Variants in COG7 observed in about 807,000 individuals in gnomAD.
The protein encoded by COG7 is component of oligomeric golgi complex 7.
In COG7, 49 loss-of-function variants were observed where a neutral mutation model predicts 91.5. The ratio of observed to expected loss-of-function variants is 0.54; its 90% CI spans 0.43 to 0.68. The LOEUF is 0.68. Ranked by LOEUF, COG7 falls within the 30% of genes least tolerant of loss-of-function variation. The pLI is 0.00. For missense variants in COG7, 895 were observed against 961.3 expected (o/e 0.93, Z 0.91); for synonymous variants, 365 against 388.7 (o/e 0.94, Z 0.72).
chr16:23,420,910 ATTT>A (rs72250117), intron 7 of COG7, among the ~76,000 whole-genome samples: 11 of 118,490 alleles, frequency 9.3e-5, no homozygotes, highest in Admixed American at 4.7e-4. Flanking sequence ...TACCTGGCTA[ATTT>A]TTTTTTTTTT....
At chr16:23,449,568 C>T (rs1306798678) in intron 1 of COG7, among the ~76,000 whole-genome samples, 1 of 151,016 alleles carries the variant, frequency 6.6e-6, no homozygotes, top group Non-Finnish European at 1.5e-5. Flanking sequence ...TCATGTAGAA[C>T]CCATCTCTAC....
chr16:23,452,194 G>T (rs1401987388), intron 1 of COG7, among the ~76,000 whole-genome samples: 1 of 152,174 alleles, frequency 6.6e-6, no homozygotes, highest in East Asian at 1.9e-4. Flanking sequence ...TAATAAAAAG[G>T]GAATCCCAGA....
intron 7 of COG7, among the ~76,000 whole-genome samples, chr16:23,421,028 G>A (rs1963747869): frequency 6.6e-6 from 1 of 151,018 alleles, no homozygotes; most frequent in African/African-American, 2.4e-5. Context: ...GAGATTACAG[G>A]TGCGAGCCCC....
At chr16:23,409,088 T>TGTGTGTGTGTGTGTGTGTGTGCGC (rs567307217) in intron 11 of COG7, among the ~76,000 whole-genome samples, 4 of 147,912 alleles carry the variant, frequency 2.7e-5, no homozygotes, top group East Asian at 4.1e-4. Context: ...TGTGTGTGTG[T>TGTGTGTGTGTGTGTGTGTGTGCGC]GCGTGCATGT....
In COG7 at chr16:23,388,624, C is replaced by CTT. The variant is rs567617218; in HGVS notation, c.*294_*295dup. 1.0e-3 allele frequency: 158 copies of CTT among 155,692 alleles called. 2 individuals are homozygous for CTT. Among genetic ancestry groups the CTT allele is most frequent in the South Asian group, 5.4e-3 (41 of 7,566 alleles). The allele number at this position is 155,692 out of a possible 1,614,324, so 9.6% of individuals were successfully genotyped here. Reference sequence around the variant, plus strand: ...TTTTGATTATACAAATGAACCAAGTCTTTTTTTTTTTTTTTTTTGAGACAG... The same window carrying CTT: ...TTTTGATTATACAAATGAACCAAGTCTTTTTTTTTTTTTTTTTTTTGAGACAG... On this transcript the variant is annotated 3_prime_UTR_variant, in exon 17 of 17. Coordinates refer to ENST00000307149, the MANE Select transcript of COG7 (RefSeq NM_153603.4).
At chr16:23,401,780 G>T (rs80092526) in intron 13 of COG7, among the ~76,000 whole-genome samples, 1 of 152,060 alleles carries the variant, frequency 6.6e-6, no homozygotes, top group Non-Finnish European at 1.5e-5. Context: ...TCTCGACCAG[G>T]CTTGGTGGCT....
chr16:23,406,054 T>G (rs1239365430), intron 12 of COG7, 22 bp downstream of exon 12: 1 of 1,607,166 alleles, frequency 6.2e-7, no homozygotes, highest in East Asian at 2.2e-5. Flanking sequence ...TTTGCAAGAA[T>G]GCCATTCATT....
chr16:23,445,545 C>A (rs1376814414), intron 2 of COG7, among the ~76,000 whole-genome samples: 1 of 152,102 alleles, frequency 6.6e-6, no homozygotes, highest in African/African-American at 2.4e-5. Context: ...CCCAGCTACT[C>A]AGAAGGCTGA....
rs1391722656 is a variant in COG7 at position 23,418,745 on chromosome 16, G to A, written c.1092C>T (p.Asp364=). 1 of 1,613,804 alleles carries A rather than the reference G, an allele frequency of 6.2e-7. No individual in the cohort carries two copies. The highest frequency in any genetic ancestry group is 1.7e-5 in the Admixed American group (1 of 60,016). ...PYKPYQLKYG[D]MEESNLLIQM... is the part of the protein sequence containing the mutation. ...GGATGAGGAGGTTGCTCTCTTCCATGTCGCCATACTTCAGCTGGTAGGGTT... is the reference window on the plus strand; with the variant it reads ...GGATGAGGAGGTTGCTCTCTTCCATATCGCCATACTTCAGCTGGTAGGGTT... The change falls in exon 8 of 17, where the codon GAC becomes GAT. Residue 364 remains aspartate, a synonymous_variant. Transcript: ENST00000307149.
intron 6 of COG7, among the ~76,000 whole-genome samples, chr16:23,426,944 C>T (rs1204351360): frequency 1.3e-5 from 2 of 151,696 alleles, no homozygotes; most frequent in Admixed American, 6.6e-5. Flanking sequence ...CCACAAAATA[C>T]TTTTAGAGTT....
intron 12 of COG7, among the ~76,000 whole-genome samples, chr16:23,405,131 A>G (rs1333319174): frequency 2.0e-5 from 3 of 152,162 alleles, no homozygotes; most frequent in Non-Finnish European, 2.9e-5. Flanking sequence ...CTGGACCCCA[A>G]GGGGCTCAAA....
chr16:23,408,548 T>C (rs1288536025), intron 11 of COG7, among the ~76,000 whole-genome samples: 1 of 151,954 alleles, frequency 6.6e-6, no homozygotes, highest in Non-Finnish European at 1.5e-5. Flanking sequence ...TTCCCGTCAT[T>C]TCTGAGACCA....
Position 23,410,850 on chromosome 16 carries a change from C to T in COG7, c.1410-490G>A, listed in dbSNP as rs776879519. ...CCTCCCAAGTAGCTGGGATTACAGGCGCACGCCACCACGCCTGGCTAATTT... is the reference window on the plus strand; with the variant it reads ...CCTCCCAAGTAGCTGGGATTACAGGTGCACGCCACCACGCCTGGCTAATTT... On this transcript the variant is annotated intron_variant, in intron 10 of 16. Coordinates refer to ENST00000307149, the MANE Select transcript of COG7 (RefSeq NM_153603.4). Among the ~76,000 whole-genome samples, 5 of 152,078 alleles carry T rather than the reference C, an allele frequency of 3.3e-5. No homozygotes were observed. The South Asian group carries it at 6.2e-4, about 19-fold the overall frequency.
At chr16:23,407,761 C>T (rs1010638416) in intron 11 of COG7, among the ~76,000 whole-genome samples, 1 of 152,114 alleles carries the variant, frequency 6.6e-6, no homozygotes, top group African/African-American at 2.4e-5. Flanking sequence ...ATGGGTGACC[C>T]TGGCTTTAGT....
chr16:23,389,406 A>C (rs955778490), intron 16 of COG7, among the ~76,000 whole-genome samples: 1 of 149,544 alleles, frequency 6.7e-6, no homozygotes. Context: ...AACTCACACA[A>C]ACTCGCACAC....
At chr16:23,441,190 A>T (rs1230655273) in intron 4 of COG7, among the ~76,000 whole-genome samples, 1 of 152,236 alleles carries the variant, frequency 6.6e-6, no homozygotes, top group Non-Finnish European at 1.5e-5. Context: ...AACCTAGAGA[A>T]GTTACTAAAC....
intron 14 of COG7, among the ~76,000 whole-genome samples, chr16:23,395,689 T>C (rs1422781005): frequency 2.0e-5 from 3 of 152,190 alleles, no homozygotes; most frequent in Non-Finnish European, 4.4e-5. Context: ...AGGGATCTTG[T>C]CTCTATTCAC....
At chr16:23,451,773 A>G (rs1005735091) in intron 1 of COG7, among the ~76,000 whole-genome samples, 18 of 151,482 alleles carry the variant, frequency 1.2e-4, no homozygotes, top group Admixed American at 2.6e-4. Context: ...AGACCAGCCT[A>G]TCTTCCTCAG....
chr16:23,452,695 C>T (rs777290441), intron 1 of COG7, 131 bp downstream of exon 1: 117 of 1,464,310 alleles, frequency 8.0e-5, no homozygotes, highest in Non-Finnish European at 1.0e-4. Flanking sequence ...GAGTTCGGGG[C>T]TTGCTCTTTT....
Sources: allele counts gnomAD v4.1 joint callset (sites outside exome capture counted in the v4.1 genomes callset), GRCh38; gene constraint gnomAD v4.1.1; transcripts MANE v1.5; gene names NCBI Gene and HGNC (gene_info 2026-07-23, HGNC 2026-07-21).